PTPRT: variants seen among roughly 807,000 people sequenced by gnomAD.
PTPRT encodes the protein receptor-type tyrosine-protein phosphatase T.
In PTPRT, 56 loss-of-function variants were observed where a neutral mutation model predicts 176.8. The observed-to-expected ratio is 0.32, with a 90% CI of 0.26 to 0.40. The LOEUF (loss-of-function observed/expected upper bound fraction) is 0.40, where lower values mean the gene tolerates loss of function less well. Ranked by LOEUF, PTPRT falls within the 10% of genes least tolerant of loss-of-function variation. The pLI is 1.00. For missense variants in PTPRT, 1,540 were observed against 1,908.2 expected (o/e 0.81, Z 3.60); for synonymous variants, 783 against 739.0 (o/e 1.06, Z -0.96).
intron 1 of PTPRT, among the ~76,000 whole-genome samples, chr20:42,979,449 C>T (rs1221058155): frequency 6.6e-6 from 1 of 152,172 alleles, no homozygotes; most frequent in Admixed American, 6.5e-5. Flanking sequence ...AAAGCCCTTG[C>T]TCCCCGTAAA....
chr20:42,240,583 GTCTA>G (rs1023616024), intron 14 of PTPRT, among the ~76,000 whole-genome samples: 4 of 152,124 alleles, frequency 2.6e-5, no homozygotes, highest in Non-Finnish European at 5.9e-5. Context: ...GGACAAAGTT[GTCTA>G]TCTAACGACC....
At chr20:42,867,957 C>G (rs373129946) in intron 2 of PTPRT, among the ~76,000 whole-genome samples, 2 of 152,290 alleles carry the variant, frequency 1.3e-5, no homozygotes, top group South Asian at 4.1e-4. Flanking sequence ...GCTGAGATTA[C>G]AGGCATGAGC....
At chr20:42,567,877 A>G (rs1398514799) in intron 7 of PTPRT, among the ~76,000 whole-genome samples, 1 of 152,044 alleles carries the variant, frequency 6.6e-6, no homozygotes, top group African/African-American at 2.4e-5. Flanking sequence ...CTTAATTAGT[A>G]TTGATGAGGC....
chr20:43,041,192 C>CT (rs1229029749), intron 1 of PTPRT, among the ~76,000 whole-genome samples: 1 of 152,192 alleles, frequency 6.6e-6, no homozygotes, highest in Admixed American at 6.5e-5. Context: ...AGACCTGCAG[C>CT]TAGAATGTGC....
At chr20:42,064,335 G>A in the PTPRT span, among the ~76,000 whole-genome samples, 2 of 151,976 alleles carry the variant, frequency 1.3e-5, no homozygotes, top group African/African-American at 2.4e-5. Flanking sequence ...TTTAGTTTAC[G>A]GTAGAATTGG....
At chr20:42,476,266 A>T (rs2071287362) in intron 7 of PTPRT, among the ~76,000 whole-genome samples, 1 of 152,220 alleles carries the variant, frequency 6.6e-6, no homozygotes, top group Non-Finnish European at 1.5e-5. Flanking sequence ...CTGAGACTCC[A>T]GTGGAAGAGA....
intron 12 of PTPRT, among the ~76,000 whole-genome samples, chr20:42,287,359 A>G (rs1258560419): frequency 6.6e-6 from 1 of 152,056 alleles, no homozygotes; most frequent in Non-Finnish European, 1.5e-5. Context: ...ATGAATAAAG[A>G]AAATGTGGTA....
the PTPRT span, among the ~76,000 whole-genome samples, chr20:42,046,886 G>A: frequency 6.6e-6 from 1 of 152,132 alleles, no homozygotes; most frequent in South Asian, 2.1e-4. Context: ...GAGGGATTCA[G>A]TTTCTCTCTG....
intron 1 of PTPRT, among the ~76,000 whole-genome samples, chr20:42,950,410 T>G (rs569580068): frequency 6.6e-6 from 1 of 152,172 alleles, no homozygotes; most frequent in Non-Finnish European, 1.5e-5. Flanking sequence ...ATCCCAGCCA[T>G]CTCATCTCAT....
chr20:43,129,900 G>A (rs1165354209), intron 1 of PTPRT, among the ~76,000 whole-genome samples: 2 of 152,126 alleles, frequency 1.3e-5, no homozygotes, highest in Non-Finnish European at 2.9e-5. Context: ...TTACAGGCGT[G>A]AGCCACCGCG....
chr20:42,485,837 C>T (rs1159863901), intron 7 of PTPRT, among the ~76,000 whole-genome samples: 3 of 152,276 alleles, frequency 2.0e-5, no homozygotes, highest in East Asian at 3.9e-4. Context: ...TTGAAATGTA[C>T]AAGAGTGTCA....
intron 7 of PTPRT, among the ~76,000 whole-genome samples, chr20:42,544,974 T>G (rs1338174968): frequency 2.6e-5 from 4 of 152,190 alleles, no homozygotes; most frequent in African/African-American, 9.6e-5. Context: ...CTTCTATGGC[T>G]GTACACTCCC....
chr20:43,090,345 G>A (rs2011778298), intron 1 of PTPRT, among the ~76,000 whole-genome samples: 1 of 150,788 alleles, frequency 6.6e-6, no homozygotes, highest in African/African-American at 2.4e-5. Context: ...TCAGCTCACT[G>A]CAAGCTCCGC....
At chr20:42,789,917 C>T (rs7261303) in intron 3 of PTPRT, among the ~76,000 whole-genome samples, 18,882 of 152,158 alleles carry the variant, frequency 0.12, 1,250 homozygotes, top group South Asian at 0.21. Context: ...AAGAACTGTA[C>T]CATGGATATT....
At chr20:42,959,544 G>A (rs1981868411) in intron 1 of PTPRT, among the ~76,000 whole-genome samples, 1 of 152,114 alleles carries the variant, frequency 6.6e-6, no homozygotes, top group African/African-American at 2.4e-5. Flanking sequence ...TGAGAAAACA[G>A]AGATTCAGAG....
At chr20:42,684,105 C>A (rs781197961) in intron 6 of PTPRT, among the ~76,000 whole-genome samples, 2 of 152,124 alleles carry the variant, frequency 1.3e-5, no homozygotes, top group Non-Finnish European at 2.9e-5. Flanking sequence ...GTAATCCCAG[C>A]ACATTGGGAG....
chr20:42,402,953 G>A (rs1445919273), intron 9 of PTPRT, among the ~76,000 whole-genome samples: 1 of 152,030 alleles, frequency 6.6e-6, no homozygotes, highest in Admixed American at 6.6e-5. Flanking sequence ...ATATACAGCT[G>A]ACATATATAA....
chr20:42,297,986 AAAGTTT>A (rs1486906668), intron 12 of PTPRT, among the ~76,000 whole-genome samples: 1 of 152,192 alleles, frequency 6.6e-6, no homozygotes, highest in East Asian at 1.9e-4. Flanking sequence ...ACTGTGATTC[AAAGTTT>A]AAATGTAATA....
At chr20:42,403,855 G>A (rs35041089) in intron 9 of PTPRT, among the ~76,000 whole-genome samples, 20,686 of 152,078 alleles carry the variant, frequency 0.14, 1,545 homozygotes, top group African/African-American at 0.18. Flanking sequence ...CTACTCGATG[G>A]CTTATCCTGC....
Sources: allele counts gnomAD v4.1 joint callset (sites outside exome capture counted in the v4.1 genomes callset), GRCh38; gene constraint gnomAD v4.1.1; transcripts MANE v1.5; gene names NCBI Gene and HGNC (gene_info 2026-07-23, HGNC 2026-07-21).